The following UNC80 variants were observed in gnomAD, a reference collection of about 807,000 sequenced individuals.
The protein encoded by UNC80 is protein unc-80 homolog.
A neutral mutation model predicts 384.6 loss-of-function variants in UNC80; 164 were observed. The observed-to-expected ratio is 0.43, with a 90% CI of 0.38 to 0.49. UNC80 has a LOEUF of 0.49. Ranked by LOEUF, UNC80 falls within the 20% of genes least tolerant of loss-of-function variation. The pLI is 0.00. For missense variants in UNC80, 3,330 were observed against 4,143.0 expected (o/e 0.80, Z 5.39); for synonymous variants, 1,486 against 1,527.8 (o/e 0.97, Z 0.64).
intron 48 of UNC80, among the ~76,000 whole-genome samples, chr2:209,957,354 G>A (rs1253368450): frequency 6.6e-6 from 1 of 152,090 alleles, no homozygotes; most frequent in African/African-American, 2.4e-5. Context: ...GAAGTCTGTA[G>A]ATATTTCATA....
intron 12 of UNC80, among the ~76,000 whole-genome samples, chr2:209,819,674 C>A (rs2080002908): frequency 6.6e-6 from 1 of 152,080 alleles, no homozygotes; most frequent in Non-Finnish European, 1.5e-5. Context: ...AAGTTTTAAG[C>A]TTGCATTCTC....
At chr2:209,842,167 C>T (rs1457711691) in intron 20 of UNC80, among the ~76,000 whole-genome samples, 183 bp from the exon 21 acceptor site, 1 of 152,054 alleles carries the variant, frequency 6.6e-6, no homozygotes, top group Non-Finnish European at 1.5e-5. Flanking sequence ...ACAGTGATGT[C>T]TTTTTTGGCA....
At chr2:209,789,484 A>G in intron 5 of UNC80, 48 bp from the exon 6 acceptor site, 1 of 1,279,490 alleles carries the variant, frequency 7.8e-7, no homozygotes, top group Non-Finnish European at 1.1e-6. Context: ...ATGAAATAAA[A>G]AGAACTTAAA....
At chr2:209,945,812 C>A in intron 46 of UNC80, 35 bp from the exon 47 acceptor site, 3 of 1,442,640 alleles carry the variant, frequency 2.1e-6, no homozygotes, top group Non-Finnish European at 9.5e-7. Context: ...GCAAAATCCA[C>A]TCTGATAGTT....
chr2:209,904,457 G>T (rs950271394), intron 28 of UNC80, among the ~76,000 whole-genome samples: 1 of 152,190 alleles, frequency 6.6e-6, no homozygotes, highest in Non-Finnish European at 1.5e-5. Context: ...TTAGTTTTAA[G>T]TTCAGAATCT....
Position 209,976,859 on chromosome 2 carries a change from C to T in UNC80, c.8773-54C>T. On this transcript the variant is annotated intron_variant, in intron 57 of 64. Coordinates refer to ENST00000673920, the MANE Select transcript of UNC80 (RefSeq NM_001371986.1). This position sits in a 1 kb window ranked among gnomAD's most constrained non-coding sequence, Gnocchi z 4.3. ...ACAATGAAATAGGTACAGCAATTAG[C>T]CCATTTTATGGATGGAAAATTGAGG... 6.9e-7 allele frequency: 1 copy of T among 1,459,332 alleles called. No individual in the cohort carries two copies. The highest frequency in any genetic ancestry group is 9.2e-7 in the Non-Finnish European group (1 of 1,085,716). The allele number at this position is 1,459,332 out of a possible 1,614,324, so 90.4% of individuals were successfully genotyped here. A position where few individuals can be genotyped will look rare whatever the true frequency, so the allele number is the denominator to read the frequency against.
At chr2:209,991,838 GA>G (rs970064459) in intron 61 of UNC80, among the ~76,000 whole-genome samples, 3 of 151,818 alleles carry the variant, frequency 2.0e-5, no homozygotes, top group Non-Finnish European at 4.4e-5. Flanking sequence ...CTTCCCCTTG[GA>G]AAAAAAATTG....
chr2:209,885,424 G>T (rs143097507), intron 25 of UNC80, among the ~76,000 whole-genome samples: 261 of 152,244 alleles, frequency 1.7e-3, no homozygotes, highest in African/African-American at 5.0e-3. Context: ...GACTACGTAG[G>T]ATTTGGACAA....
At chr2:209,809,451 C>G (rs1178746977) in intron 7 of UNC80, 1 of 1,474,518 alleles carries the variant, frequency 6.8e-7, no homozygotes, top group Non-Finnish European at 9.5e-7. Context: ...ACCGCTCCAA[C>G]CTGCGGGCCC....
chr2:209,785,913 T>C (rs1156619151), intron 4 of UNC80, among the ~76,000 whole-genome samples, 153 bp from the exon 5 acceptor site: 3 of 152,244 alleles, frequency 2.0e-5, no homozygotes, highest in Non-Finnish European at 2.9e-5. Context: ...TGGTTTACTC[T>C]AGAAACATTC....
At chr2:209,828,456 T>G (rs1342989912) in intron 14 of UNC80, among the ~76,000 whole-genome samples, 2 of 152,250 alleles carry the variant, frequency 1.3e-5, no homozygotes, top group African/African-American at 4.8e-5. Flanking sequence ...TATAACAAAG[T>G]TATACCAAGA....
At chr2:209,866,840 G>A (rs2083873562) in intron 22 of UNC80, among the ~76,000 whole-genome samples, 1 of 152,010 alleles carries the variant, frequency 6.6e-6, no homozygotes, top group African/African-American at 2.4e-5. Flanking sequence ...TGTAGTCTTT[G>A]TGAACTTCAT....
intron 36 of UNC80, 81 bp downstream of exon 36, chr2:209,927,067 C>T (rs1184998421): frequency 7.0e-6 from 10 of 1,434,206 alleles, no homozygotes; most frequent in Non-Finnish European, 9.5e-6. Flanking sequence ...CTCTTAAACA[C>T]ATTATCTACT....
intron 16 of UNC80, among the ~76,000 whole-genome samples, chr2:209,832,555 A>T (rs78687154): frequency 0.034 from 5,106 of 152,254 alleles, 289 homozygotes; most frequent in African/African-American, 0.12. Context: ...TTAAGCTATT[A>T]TAACTATTGA....
chr2:209,809,018 TC>T (rs1559125088), intron 7 of UNC80: 1 of 350,396 alleles, frequency 2.9e-6, no homozygotes, highest in Non-Finnish European at 5.4e-6. Flanking sequence ...CAACTGAGAC[TC>T]CCCCAAGAGA....
rs188914994 is a variant in UNC80 at position 209,835,664 on chromosome 2, A to G, written c.3041+654A>G. Among the ~76,000 whole-genome samples, 3 of 152,312 alleles carry G rather than the reference A, an allele frequency of 2.0e-5. No individual in the cohort carries two copies. In the East Asian group the frequency reaches 5.8e-4, roughly 29 times the overall value. ...TTTTTTCTCTTTTTGAGAACTACTA[A>G]TCCACAAGTGGAGTGTAAACATGTA... On this transcript the variant is annotated intron_variant, in intron 18 of 64. Transcript: ENST00000673920.
In UNC80 at chr2:209,912,599, A is replaced by G. The variant is rs2089075566; in HGVS notation, c.4822A>G (p.Lys1608Glu). The G allele has an allele frequency of 6.4e-7, 1 of 1,551,442 alleles. No individual in the cohort carries two copies. The highest frequency in any genetic ancestry group is 1.2e-5 in the South Asian group (1 of 84,032). The change falls in exon 30 of 65, where the codon AAG becomes GAG. Residue 1608 changes from lysine (K) to glutamate (E), a missense_variant. Physicochemically the swap from Lys to Glu is moderately conservative, Grantham distance 56. Coordinates refer to ENST00000673920, the MANE Select transcript of UNC80 (RefSeq NM_001371986.1). The part of the protein sequence containing the change: ...KSCLRTPSLK[K>E]RVSDANLEGK... ...ATGCCTGAGGACACCTTCTCTAAAG[A>G]AGAGAGTTTCAGATGCCAATCTGGA...
chr2:209,941,519 A>C, intron 44 of UNC80, 30 bp downstream of exon 44: 1 of 1,511,212 alleles, frequency 6.6e-7, no homozygotes, highest in Non-Finnish European at 8.9e-7. Flanking sequence ...CCAACCAGAA[A>C]ATTAACATGA....
intron 48 of UNC80, among the ~76,000 whole-genome samples, chr2:209,955,977 C>G (rs1440331920): frequency 3.3e-5 from 5 of 151,784 alleles, no homozygotes; most frequent in African/African-American, 1.2e-4. Context: ...CTCCTGGCCT[C>G]AAGTGATCCA....
Sources: allele counts gnomAD v4.1 joint callset (sites outside exome capture counted in the v4.1 genomes callset), GRCh38; gene constraint gnomAD v4.1.1; non-coding constraint Gnocchi (gnomAD v3.1); transcripts MANE v1.5; gene names NCBI Gene and HGNC (gene_info 2026-07-23, HGNC 2026-07-21).